SWAP70: variants seen among roughly 807,000 people sequenced by gnomAD.
SWAP70 encodes switching B cell complex subunit SWAP70.
A neutral mutation model predicts 80.2 loss-of-function variants in SWAP70; 34 were observed. That is an observed-to-expected ratio of 0.42 (90% confidence interval 0.32 to 0.56). The LOEUF (loss-of-function observed/expected upper bound fraction) is 0.56, where lower values mean the gene tolerates loss of function less well. SWAP70 is among the 20% of genes least tolerant of loss of function. The pLI, the probability that SWAP70 is intolerant of heterozygous loss-of-function variation, is 0.09. For synonymous variants in SWAP70, 239 were observed against 238.5 expected (o/e 1.00, Z -0.02); for missense variants, 578 against 690.7 (o/e 0.84, Z 1.83).
Position 9,671,825 on chromosome 11 carries a change from T to C in SWAP70, c.99+7547T>C, listed in dbSNP as rs1206452707. ...ATATAAATATAAATATATAAATATATAATATAATAATATATAATATATAAA... is the reference window on the plus strand; with the variant it reads ...ATATAAATATAAATATATAAATATACAATATAATAATATATAATATATAAA... On this transcript the variant is annotated intron_variant, in intron 1 of 11. Transcript: ENST00000318950. Among the ~76,000 whole-genome samples, 207 of 102,610 alleles carry C rather than the reference T, an allele frequency of 2.0e-3. 1 individual carries two copies. Among genetic ancestry groups the C allele is most frequent in the African/African-American group, 7.6e-3 (191 of 25,274 alleles). 67.3% of individuals were successfully genotyped at this position (102,610 alleles called of 152,430 possible).
chr11:9,724,987 C>T (rs1851189778), intron 4 of SWAP70, 102 bp downstream of exon 4: 3 of 879,040 alleles, frequency 3.4e-6, no homozygotes, highest in Non-Finnish European at 5.2e-6. Flanking sequence ...TATTTTCTTA[C>T]ACTGATTTCG....
intron 2 of SWAP70, among the ~76,000 whole-genome samples, chr11:9,707,346 TCTA>T (rs1850928430): frequency 6.6e-6 from 1 of 151,996 alleles, no homozygotes; most frequent in Non-Finnish European, 1.5e-5. Flanking sequence ...CAATCACCAT[TCTA>T]CTATTTTTTT....
chr11:9,749,332 C>T (rs991114052), intron 11 of SWAP70, 149 bp downstream of exon 11: 48 of 267,558 alleles, frequency 1.8e-4, no homozygotes, highest in Non-Finnish European at 2.6e-4. Flanking sequence ...CTGCAAGCTC[C>T]GCCTCCTGGG....
In SWAP70 at chr11:9,740,280, C is replaced by T; in HGVS notation, c.1288C>T (p.Gln430Ter). Reference sequence around the variant, plus strand: ...GCTGGAAGACATGTACCTAAAGCTGCAGGAGGCTCTTGAAGATGAGAGACA... The same window carrying T: ...GCTGGAAGACATGTACCTAAAGCTGTAGGAGGCTCTTGAAGATGAGAGACA... ...RELEDMYLKL[Q>*]EALEDERQAR... Residue 430 changes from glutamine to a stop codon, truncating the protein, a stop_gained, in exon 9 of 12, where the codon CAG becomes TAG. Transcript: ENST00000318950. LOFTEE classifies it high-confidence loss of function. 1 of 1,614,176 alleles carries T rather than the reference C, an allele frequency of 6.2e-7. No homozygotes were observed.
At chr11:9,678,809 G>GT (rs1278074740) in intron 1 of SWAP70, among the ~76,000 whole-genome samples, 2 of 151,868 alleles carry the variant, frequency 1.3e-5, no homozygotes, top group Admixed American at 6.6e-5. Flanking sequence ...CCCATCAGTG[G>GT]TGATTATTAG....
At chr11:9,740,410 G>T in intron 9 of SWAP70, 63 bp downstream of exon 9, 1 of 1,513,136 alleles carries the variant, frequency 6.6e-7, no homozygotes, top group Non-Finnish European at 9.2e-7. Context: ...CAGTTTCTTG[G>T]AATGACTAAC....
At chr11:9,673,161 G>A (rs900953717) in intron 1 of SWAP70, among the ~76,000 whole-genome samples, 1 of 152,186 alleles carries the variant, frequency 6.6e-6, no homozygotes, top group Non-Finnish European at 1.5e-5. Context: ...CCACAAGACG[G>A]TCCTCCTCCT....
At chr11:9,712,926 A>G (rs1212588691) in intron 2 of SWAP70, among the ~76,000 whole-genome samples, 1 of 151,574 alleles carries the variant, frequency 6.6e-6, no homozygotes, top group Non-Finnish European at 1.5e-5. Flanking sequence ...CAAACTCCTG[A>G]CCTCAGGTGA....
At chr11:9,703,956 T>A (rs987321209) in intron 2 of SWAP70, among the ~76,000 whole-genome samples, 1 of 152,174 alleles carries the variant, frequency 6.6e-6, no homozygotes, top group African/African-American at 2.4e-5. Flanking sequence ...CATTTTACTT[T>A]CTCCTTCTTG....
At position 9,671,394 on chromosome 11, in the gene SWAP70, A is replaced by T. The variant is rs1303987574; in HGVS notation, c.99+7116A>T. On this transcript the variant is annotated intron_variant, in intron 1 of 11. Transcript: ENST00000318950. ...AATAAAAATAAAAATATATAAATAT[A>T]TATAAATATATAAAAATATATTTAT... Among the ~76,000 whole-genome samples the T allele has an allele frequency of 2.8e-5, 3 of 106,092 alleles. No individual in the cohort carries two copies. In the East Asian group the frequency reaches 9.1e-4, roughly 32 times the overall value. The allele number at this position is 106,092 out of a possible 152,430, so 69.6% of individuals were successfully genotyped here.
At chr11:9,714,807 ATTT>A (rs71034737) in intron 3 of SWAP70, among the ~76,000 whole-genome samples, 70 of 127,702 alleles carry the variant, frequency 5.5e-4, no homozygotes, top group African/African-American at 1.8e-3. Flanking sequence ...CCAAAAGGGG[ATTT>A]TTTTTTTTTT....
chr11:9,708,317 G>GT lies in SWAP70; in HGVS notation c.241-5142dup, dbSNP rs554730011. Among the ~76,000 whole-genome samples the GT allele has an allele frequency of 8.5e-5, 13 of 152,168 alleles. No homozygotes were observed. The South Asian group carries it at 2.3e-3, about 27-fold the overall frequency. ...TAACAATAACACTTGTTATTTTCTG[G>GT]TTTTTTTGATAGTGACCATTCTAAC... On this transcript the variant is annotated intron_variant, in intron 2 of 11. Transcript: ENST00000318950.
intron 2 of SWAP70, among the ~76,000 whole-genome samples, chr11:9,709,715 C>T (rs2572944): frequency 0.32 from 49,236 of 151,518 alleles, 8,171 homozygotes; most frequent in Non-Finnish European, 0.35. Context: ...TCTCAAACTC[C>T]TGAACTCAAG....
intron 2 of SWAP70, among the ~76,000 whole-genome samples, chr11:9,710,067 G>A (rs1017347358): frequency 6.6e-6 from 1 of 151,850 alleles, no homozygotes; most frequent in Non-Finnish European, 1.5e-5. Context: ...AGGAAGAGGC[G>A]GAAGTTGTTG....
At chr11:9,709,530 C>A (rs1376029484) in intron 2 of SWAP70, among the ~76,000 whole-genome samples, 1 of 150,048 alleles carries the variant, frequency 6.7e-6, no homozygotes, top group African/African-American at 2.4e-5. Flanking sequence ...CCAAGTATAA[C>A]TTTTTTTTTT....
intron 4 of SWAP70, among the ~76,000 whole-genome samples, chr11:9,727,172 C>T (rs554212879): frequency 1.7e-4 from 26 of 148,846 alleles, no homozygotes; most frequent in South Asian, 1.7e-3. Flanking sequence ...GGGCGGATCA[C>T]GAGGTCAGGA....
intron 9 of SWAP70, among the ~76,000 whole-genome samples, chr11:9,742,881 C>CT (rs1378688105): frequency 1.0e-5 from 1 of 98,008 alleles, no homozygotes; most frequent in Non-Finnish European, 2.0e-5. Context: ...ACTCTTCTCA[C>CT]TCCTTTTTTT....
chr11:9,728,496 A>G (rs1044391516), intron 5 of SWAP70, among the ~76,000 whole-genome samples: 4 of 152,234 alleles, frequency 2.6e-5, no homozygotes, highest in Non-Finnish European at 5.9e-5. Flanking sequence ...TGGAGTCATA[A>G]AAGAGATAAT....
At chr11:9,684,640 G>C (rs1850608795) in intron 1 of SWAP70, among the ~76,000 whole-genome samples, 1 of 151,954 alleles carries the variant, frequency 6.6e-6, no homozygotes, top group African/African-American at 2.4e-5. Context: ...TAGTTCTGGT[G>C]GTGTTAAGAA....
Sources: gnomAD v4.1 joint callset for allele counts (sites outside exome capture counted in the v4.1 genomes callset) on GRCh38, gnomAD v4.1.1 for gene constraint, MANE v1.5 for transcripts, NCBI Gene and HGNC (gene_info 2026-07-23, HGNC 2026-07-21) for gene names.